The following RBFOX3 variants were observed in gnomAD, a reference collection of about 807,000 sequenced individuals.
RBFOX3 encodes RNA binding protein fox-1 homolog 3.
A neutral mutation model predicts 48.7 loss-of-function variants in RBFOX3; 17 were observed. That is an observed-to-expected ratio of 0.35 (90% confidence interval 0.24 to 0.52). The LOEUF is 0.52. Ranked by LOEUF, RBFOX3 falls within the 20% of genes least tolerant of loss-of-function variation. The pLI, the probability that RBFOX3 is intolerant of heterozygous loss-of-function variation, is 0.94. For missense variants in RBFOX3, 382 were observed against 497.5 expected (o/e 0.77, Z 2.21); for synonymous variants, 212 against 209.5 (o/e 1.01, Z -0.10).
chr17:79,378,865 C>A (rs534400808), intron 2 of RBFOX3, among the ~76,000 whole-genome samples: 2 of 152,234 alleles, frequency 1.3e-5, no homozygotes, highest in Non-Finnish European at 2.9e-5. Flanking sequence ...TCTCCACAGC[C>A]GCACAGTGGG....
chr17:79,501,355 CAG>C (rs2082358914), intron 1 of RBFOX3, among the ~76,000 whole-genome samples: 1 of 152,208 alleles, frequency 6.6e-6, no homozygotes, highest in African/African-American at 2.4e-5. Context: ...TCTCGCTGGC[CAG>C]AGAGGCTGGT....
intron 4 of RBFOX3, among the ~76,000 whole-genome samples, chr17:79,178,648 G>T (rs1489447868): frequency 6.6e-6 from 1 of 152,150 alleles, no homozygotes; most frequent in Non-Finnish European, 1.5e-5. Context: ...ATGAAACTGG[G>T]GAAGAACCCA....
chr17:79,183,757 G>A (rs2052749794), intron 4 of RBFOX3, among the ~76,000 whole-genome samples: 1 of 152,170 alleles, frequency 6.6e-6, no homozygotes. Context: ...GGGAGTCCCT[G>A]GCGTACTCCA....
intron 2 of RBFOX3, among the ~76,000 whole-genome samples, chr17:79,317,312 G>A (rs527266487): frequency 6.6e-6 from 1 of 152,336 alleles, no homozygotes; most frequent in East Asian, 1.9e-4. Flanking sequence ...CAAACAGAAC[G>A]GCCATAAGGA....
In RBFOX3 at chr17:79,397,722, A is replaced by G. The variant is rs550395465; in HGVS notation, c.-175+84732T>C. On this transcript the variant is annotated intron_variant, in intron 2 of 14. Transcript: ENST00000693108. ...TGAGATAAACCAGCTGCATCACAGG[A>G]GTCACGGCAGGGACCTGTTACCACC... Among the ~76,000 whole-genome samples the G allele has an allele frequency of 1.3e-5, 2 of 152,228 alleles. 1 individual carries two copies. Among genetic ancestry groups the G allele is most frequent in the East Asian group, 3.9e-4 (2 of 5,156 alleles).
In RBFOX3 at chr17:79,134,617, C is replaced by A. The variant is rs532741971; in HGVS notation, c.-33-18869G>T. Among the ~76,000 whole-genome samples the A allele has an allele frequency of 2.6e-5, 4 of 152,346 alleles. No individual in the cohort carries two copies. In the East Asian group the frequency reaches 7.7e-4, roughly 29 times the overall value. On this transcript the variant is annotated intron_variant, in intron 4 of 14. Transcript: ENST00000693108. The stretch of plus-strand genomic sequence containing the variant: ...TAGAAATGCAGATTCCTGGGCTGCA[C>A]CCTGACCTGCAGCCTCAGAATCACA...
At chr17:79,381,376 G>A (rs1446843424) in intron 2 of RBFOX3, among the ~76,000 whole-genome samples, 1 of 152,220 alleles carries the variant, frequency 6.6e-6, no homozygotes, top group Non-Finnish European at 1.5e-5. Flanking sequence ...AACCATGCAT[G>A]AGATGGTGTA....
chr17:79,528,829 C>A (rs1356274946), intron 1 of RBFOX3, among the ~76,000 whole-genome samples: 2 of 152,122 alleles, frequency 1.3e-5, no homozygotes, highest in African/African-American at 4.8e-5. Flanking sequence ...CCCTGCGACA[C>A]CCTCCCCTCG....
intron 2 of RBFOX3, among the ~76,000 whole-genome samples, 187 bp from the exon 3 acceptor site, chr17:79,308,011 C>A (rs1210461610): frequency 1.3e-5 from 2 of 152,174 alleles, no homozygotes; most frequent in Admixed American, 6.5e-5. Context: ...AAGAAGGTGT[C>A]CCTGTCCACC....
chr17:79,143,641 C>T (rs2042392235), intron 4 of RBFOX3, among the ~76,000 whole-genome samples: 1 of 152,206 alleles, frequency 6.6e-6, no homozygotes, highest in Admixed American at 6.5e-5. Flanking sequence ...TCGCTCGGCA[C>T]CAACGCCACG....
intron 4 of RBFOX3, among the ~76,000 whole-genome samples, chr17:79,144,138 A>G (rs2042520690): frequency 6.6e-6 from 1 of 151,786 alleles, no homozygotes; most frequent in Admixed American, 6.5e-5. Context: ...GGGTGGAGGG[A>G]TGCGCTGACC....
At chr17:79,458,660 T>C (rs1555746735) in intron 2 of RBFOX3, among the ~76,000 whole-genome samples, 1 of 151,816 alleles carries the variant, frequency 6.6e-6, no homozygotes, top group African/African-American at 2.4e-5. Flanking sequence ...TCTGCAGTGC[T>C]AGGGCAGCTC....
At chr17:79,189,599 G>A (rs2054071116) in intron 4 of RBFOX3, among the ~76,000 whole-genome samples, 2 of 152,194 alleles carry the variant, frequency 1.3e-5, no homozygotes, top group Admixed American at 6.5e-5. Flanking sequence ...GACTCAGTGG[G>A]TTGCTGAGCC....
chr17:79,642,148 T>C, the RBFOX3 span, among the ~76,000 whole-genome samples: 2 of 152,110 alleles, frequency 1.3e-5, no homozygotes, highest in Admixed American at 1.3e-4. Flanking sequence ...CACTTATATG[T>C]GGAATCTAAA....
intron 3 of RBFOX3, among the ~76,000 whole-genome samples, chr17:79,306,470 G>A (rs550229818): frequency 6.6e-6 from 1 of 152,216 alleles, no homozygotes; most frequent in Non-Finnish European, 1.5e-5. Flanking sequence ...CCTCAGGAGC[G>A]CCCCTCCCCT....
At position 79,361,287 on chromosome 17, in the gene RBFOX3, C is replaced by T. The variant is rs2086297433; in HGVS notation, c.-174-53463G>A. On this transcript the variant is annotated intron_variant, in intron 2 of 14. Coordinates refer to ENST00000693108, the MANE Select transcript of RBFOX3 (RefSeq NM_001350451.2). The surrounding 1 kb of genome is among the most constrained non-coding windows in gnomAD (Gnocchi z 4.5). Reference sequence around the variant, plus strand: ...TCCCTCTCCCCAGGCTGCTGGTTGGCGCCTTGATCCATTTGCCATCGGGGC... The same window carrying T: ...TCCCTCTCCCCAGGCTGCTGGTTGGTGCCTTGATCCATTTGCCATCGGGGC... Among the ~76,000 whole-genome samples the T allele has an allele frequency of 1.3e-5, 2 of 152,168 alleles. No individual in the cohort carries two copies. Among genetic ancestry groups the T allele is most frequent in the African/African-American group, 2.4e-5 (1 of 41,440 alleles).
chr17:79,288,196 T>C (rs1405199868), intron 3 of RBFOX3, among the ~76,000 whole-genome samples: 2 of 152,144 alleles, frequency 1.3e-5, no homozygotes, highest in Admixed American at 6.5e-5. Flanking sequence ...ATCATACCAC[T>C]TGCTGGCTGC....
chr17:79,635,381 GA>G, the RBFOX3 span, among the ~76,000 whole-genome samples: 50 of 152,274 alleles, frequency 3.3e-4, no homozygotes, highest in African/African-American at 1.1e-3. Flanking sequence ...AGCTGAGAAG[GA>G]TCCTGGGAGC....
At chr17:79,577,943 C>T (rs1257283859) in intron 1 of RBFOX3, among the ~76,000 whole-genome samples, 10 of 152,240 alleles carry the variant, frequency 6.6e-5, no homozygotes, top group African/African-American at 1.9e-4. Flanking sequence ...CTCAGGGGCC[C>T]GTGCAGACCC....
Sources: allele counts gnomAD v4.1 joint callset (sites outside exome capture counted in the v4.1 genomes callset), GRCh38; gene constraint gnomAD v4.1.1; non-coding constraint Gnocchi (gnomAD v3.1); transcripts MANE v1.5; gene names NCBI Gene and HGNC (gene_info 2026-07-23, HGNC 2026-07-21).